Variants in PAAF1 observed in about 807,000 individuals in gnomAD.
PAAF1 encodes proteasomal ATPase-associated factor 1.
A neutral mutation model predicts 52.8 loss-of-function variants in PAAF1; 46 were observed. The observed-to-expected ratio is 0.87, with a 90% CI of 0.69 to 1.11. The LOEUF is 1.11. Among genes scored for constraint, PAAF1 ranks in the 50% most tolerant of loss-of-function variants. The probability of loss-of-function intolerance (pLI) is 0.00; values close to 1 mark genes in which losing one functional copy is unlikely to be tolerated. For missense variants in PAAF1, 424 were observed against 477.4 expected (o/e 0.89, Z 1.04); for synonymous variants, 178 against 172.8 (o/e 1.03, Z -0.24).
chr11:73,886,944 A>G, intron 2 of PAAF1: 9 of 401,786 alleles, frequency 2.2e-5, no homozygotes, highest in South Asian at 1.7e-4. Context: ...TGTTAAAAAG[A>G]TCCTGGCATC....
At chr11:73,923,202 C>T (rs1950271899) in intron 10 of PAAF1, among the ~76,000 whole-genome samples, 1 of 151,954 alleles carries the variant, frequency 6.6e-6, no homozygotes, top group African/African-American at 2.4e-5. Flanking sequence ...TAAGGTACTA[C>T]CTCGTATATG....
chr11:73,886,963 C>T (rs1949078171), intron 2 of PAAF1: 1 of 421,166 alleles, frequency 2.4e-6, no homozygotes, highest in Admixed American at 2.7e-5. Context: ...TCTCCCTTCT[C>T]TCTCTTACTT....
chr11:73,909,531 A>T lies in PAAF1; in HGVS notation c.665A>T (p.Asn222Ile), dbSNP rs749650410. The T allele has an allele frequency of 6.2e-7, 1 of 1,614,080 alleles. No individual in the cohort carries two copies. Among genetic ancestry groups the T allele is most frequent in the Non-Finnish European group, 8.5e-7 (1 of 1,180,048 alleles). Residue 222 changes from asparagine (N) to isoleucine (I), a missense_variant, in exon 7 of 12, where the codon AAT becomes ATT. Asn to Ile is a moderately radical substitution (Grantham distance 149). Transcript: ENST00000310571. ...CTTGCAGATTGTGGTTCTTCTATCA[A>T]TGGAGTGGCGGTGGGTGCTGCTGAC... is the stretch of plus-strand genomic sequence containing the variant. The part of the protein sequence containing the change: ...GVLADCGSSI[N>I]GVAVGAADNS...
chr11:73,896,922 G>A (rs549752011), intron 4 of PAAF1, among the ~76,000 whole-genome samples: 2 of 148,998 alleles, frequency 1.3e-5, no homozygotes, highest in African/African-American at 2.5e-5. Context: ...TGGCCGGACG[G>A]GGGGGCTGAC....
At position 73,914,550 on chromosome 11, in the gene PAAF1, C is replaced by A; in HGVS notation, c.819+46C>A. On this transcript the variant is annotated intron_variant, in intron 8 of 11. Coordinates refer to ENST00000310571, the MANE Select transcript of PAAF1 (RefSeq NM_025155.3). ...CTTTGAACTCTGAGGCAACCTGGGT[C>A]ACTCTGTGTCTTAGAAAGCTATTTT... 4 of 1,516,374 alleles carry A rather than the reference C, an allele frequency of 2.6e-6. No homozygotes were observed. In the South Asian group the frequency reaches 4.5e-5, roughly 17 times the overall value. 93.9% of individuals were successfully genotyped at this position (1,516,374 alleles called of 1,614,324 possible).
chr11:73,921,878 T>C (rs984318709), intron 10 of PAAF1: 29 of 1,122,234 alleles, frequency 2.6e-5, no homozygotes, highest in Admixed American at 7.0e-5. Flanking sequence ...TCTCCAGGAA[T>C]GGGAAAGTTA....
At chr11:73,896,471 G>T in intron 4 of PAAF1, among the ~76,000 whole-genome samples, 1 of 150,870 alleles carries the variant, frequency 6.6e-6, no homozygotes, top group Non-Finnish European at 1.5e-5. Context: ...GTGTCCCTGG[G>T]TACTTGAGAT....
Position 73,893,768 on chromosome 11 carries a change from A to G in PAAF1, c.282+2567A>G, listed in dbSNP as rs575683498. On this transcript the variant is annotated intron_variant, in intron 4 of 11. Coordinates refer to ENST00000310571, the MANE Select transcript of PAAF1 (RefSeq NM_025155.3). ...AAAAAAAAAAAAAAAAAAAGAAAGAAAAAACTAAACGTGGGCGCGGTGGCT... is the reference window on the plus strand; with the variant it reads ...AAAAAAAAAAAAAAAAAAAGAAAGAGAAAACTAAACGTGGGCGCGGTGGCT... Among the ~76,000 whole-genome samples, 6 of 148,214 alleles carry G rather than the reference A, an allele frequency of 4.0e-5. No individual in the cohort carries two copies. The East Asian group carries it at 1.2e-3, about 31-fold the overall frequency.
rs371421703 is a variant in PAAF1 at position 73,877,139 on chromosome 11, G to T, written c.47+71G>T. On this transcript the variant is annotated intron_variant, in intron 1 of 11. Coordinates refer to ENST00000310571, the MANE Select transcript of PAAF1 (RefSeq NM_025155.3). Reference sequence around the variant, plus strand: ...GTTGCTTTGCGTCAAGGAGAGCCATGCCTGGTCCAGGATATCAATAGGGGT... The same window carrying T: ...GTTGCTTTGCGTCAAGGAGAGCCATTCCTGGTCCAGGATATCAATAGGGGT... 89 of 1,426,716 alleles carry T rather than the reference G, an allele frequency of 6.2e-5. No individual in the cohort carries two copies. In the African/African-American group the frequency reaches 1.1e-3, roughly 17 times the overall value. 88.4% of individuals were successfully genotyped at this position (1,426,716 alleles called of 1,614,324 possible).
In PAAF1 at chr11:73,909,388, T is replaced by C. The variant is rs1565144662; in HGVS notation, c.533-11T>C. The C allele has an allele frequency of 6.2e-7, 1 of 1,613,150 alleles. No individual in the cohort carries two copies. Among genetic ancestry groups the C allele is most frequent in the Non-Finnish European group, 8.5e-7 (1 of 1,179,538 alleles). ...CATCCTCCATCTTAGGGAGTTTTTT[T>C]CTCTTGCTAGGTATCCTGGATACAG... On this transcript the variant is annotated splice_polypyrimidine_tract_variant and intron_variant, in intron 6 of 11. Coordinates refer to ENST00000310571, the MANE Select transcript of PAAF1 (RefSeq NM_025155.3).
At chr11:73,917,420 A>G (rs992302310) in intron 9 of PAAF1, among the ~76,000 whole-genome samples, 19 of 152,236 alleles carry the variant, frequency 1.2e-4, no homozygotes, top group Non-Finnish European at 2.5e-4. Context: ...AAGATATCCA[A>G]AGAGAATCAC....
chr11:73,919,695 A>G (rs1392500185), intron 10 of PAAF1, among the ~76,000 whole-genome samples: 1 of 152,122 alleles, frequency 6.6e-6, no homozygotes, highest in Non-Finnish European at 1.5e-5. Flanking sequence ...GTGTTGGGGA[A>G]ATGCCTGGAG....
chr11:73,876,764 G>A (rs968743805), upstream of PAAF1: 20 of 367,106 alleles, frequency 5.4e-5, no homozygotes, highest in African/African-American at 3.8e-4. Flanking sequence ...CACCGAACAG[G>A]TGGGAGAAGA....
chr11:73,909,318 C>A (rs1422118477), intron 6 of PAAF1, 81 bp from the exon 7 acceptor site: 1 of 1,277,270 alleles, frequency 7.8e-7, no homozygotes, highest in Non-Finnish European at 1.1e-6. Flanking sequence ...GGGATGGAGT[C>A]ATTTATGCAG....
upstream of PAAF1, chr11:73,876,796 C>G (rs1005659600): frequency 1.5e-5 from 6 of 411,476 alleles, no homozygotes; most frequent in Admixed American, 4.5e-5. Context: ...CACGCTCCTA[C>G]GCGGCGGCTT....
At chr11:73,916,039 C>T (rs1268022905) in intron 8 of PAAF1, among the ~76,000 whole-genome samples, 1 of 152,026 alleles carries the variant, frequency 6.6e-6, no homozygotes, top group Admixed American at 6.6e-5. Context: ...TTTGAGCTAA[C>T]AGTAAGGAGA....
intron 7 of PAAF1, among the ~76,000 whole-genome samples, chr11:73,911,544 C>T (rs1323047867): frequency 2.0e-5 from 3 of 151,764 alleles, no homozygotes; most frequent in Non-Finnish European, 4.4e-5. Flanking sequence ...TTCCCATTTA[C>T]TCTTCAACCC....
At chr11:73,913,026 A>G (rs1165710623) in intron 7 of PAAF1, among the ~76,000 whole-genome samples, 2 of 152,128 alleles carry the variant, frequency 1.3e-5, no homozygotes, top group African/African-American at 2.4e-5. Context: ...ACAGGCGTGC[A>G]CTACCATGCC....
chr11:73,924,553 G>C lies in PAAF1; in HGVS notation c.1019-62G>C, dbSNP rs1950303628. The C allele has an allele frequency of 5.9e-6, 8 of 1,362,012 alleles. No homozygotes were observed. The South Asian group carries it at 9.4e-5, about 16-fold the overall frequency. The allele number at this position is 1,362,012 out of a possible 1,614,324, so 84.4% of individuals were successfully genotyped here. On this transcript the variant is annotated intron_variant, in intron 10 of 11. Coordinates refer to ENST00000310571, the MANE Select transcript of PAAF1 (RefSeq NM_025155.3). ...ATCTACAGAAGCAAATAAAAATACT[G>C]AGTTTTTAAACTCTGGATGCAGTTT...
Sources: gnomAD v4.1 joint callset for allele counts (sites outside exome capture counted in the v4.1 genomes callset) on GRCh38, gnomAD v4.1.1 for gene constraint, MANE v1.5 for transcripts, NCBI Gene and HGNC (gene_info 2026-07-23, HGNC 2026-07-21) for gene names.